KCND3: variants seen among roughly 807,000 people sequenced by gnomAD.
KCND3 encodes A-type voltage-gated potassium channel KCND3.
In KCND3, 9 loss-of-function variants were observed where a neutral mutation model predicts 51.1. The ratio of observed to expected loss-of-function variants is 0.18; its 90% CI spans 0.11 to 0.31. The LOEUF (loss-of-function observed/expected upper bound fraction) is 0.31. KCND3 is among the 10% of genes least tolerant of loss of function. The probability of loss-of-function intolerance (pLI) is 1.00; values close to 1 mark genes in which losing one functional copy is unlikely to be tolerated. For missense variants in KCND3, 526 were observed against 903.8 expected (o/e 0.58, Z 5.36); for synonymous variants, 349 against 368.0 (o/e 0.95, Z 0.59).
chr1:111,795,830 A>G (rs2813868), intron 2 of KCND3, among the ~76,000 whole-genome samples: 147,724 of 152,302 alleles, frequency 0.97, 71,667 homozygotes, highest in East Asian at 1. Flanking sequence ...CTTTTTCTCC[A>G]CAACCTCACC....
chr1:111,809,279 G>A (rs1204032227), intron 2 of KCND3, among the ~76,000 whole-genome samples: 3 of 151,816 alleles, frequency 2.0e-5, no homozygotes, highest in African/African-American at 4.8e-5. Flanking sequence ...TGGCCTTACC[G>A]GTTCTGTTTC....
chr1:111,920,300 G>A (rs753609109), intron 2 of KCND3, among the ~76,000 whole-genome samples: 2 of 151,934 alleles, frequency 1.3e-5, no homozygotes, highest in Admixed American at 6.6e-5. Context: ...AGGAGAGGTC[G>A]TCTTCCTACA....
At chr1:111,914,962 T>C (rs1245065236) in intron 2 of KCND3, among the ~76,000 whole-genome samples, 3 of 152,176 alleles carry the variant, frequency 2.0e-5, no homozygotes, top group Non-Finnish European at 4.4e-5. Flanking sequence ...AATATAGAGG[T>C]AAAATATATG....
intron 2 of KCND3, among the ~76,000 whole-genome samples, chr1:111,858,469 T>C (rs1668190754): frequency 6.6e-6 from 1 of 152,162 alleles, no homozygotes; most frequent in Non-Finnish European, 1.5e-5. Context: ...CATTTCTCCA[T>C]AAAAACTTTT....
At chr1:111,792,606 T>G (rs1179140983) in intron 2 of KCND3, among the ~76,000 whole-genome samples, 1 of 152,200 alleles carries the variant, frequency 6.6e-6, no homozygotes, top group South Asian at 2.1e-4. Context: ...AAATCCTGGC[T>G]CTGCCACTTG....
At chr1:111,830,876 C>A (rs140888685) in intron 2 of KCND3, among the ~76,000 whole-genome samples, 2,233 of 152,100 alleles carry the variant, frequency 0.015, 52 homozygotes, top group African/African-American at 0.05. Context: ...AATTTCTAAC[C>A]CTACATATTC....
intron 2 of KCND3, among the ~76,000 whole-genome samples, chr1:111,802,780 G>C (rs994143894): frequency 6.6e-6 from 1 of 152,170 alleles, no homozygotes; most frequent in East Asian, 1.9e-4. Flanking sequence ...TCCTGCTCAG[G>C]GCCTAGGGAC....
At chr1:111,882,755 G>C (rs1210110942) in intron 2 of KCND3, among the ~76,000 whole-genome samples, 1 of 152,154 alleles carries the variant, frequency 6.6e-6, no homozygotes, top group Non-Finnish European at 1.5e-5. Context: ...CTGGGGGTGG[G>C]AGCCGCAGCT....
chr1:111,778,238 C>G (rs1045350339), intron 6 of KCND3, among the ~76,000 whole-genome samples, 198 bp downstream of exon 6: 6 of 152,238 alleles, frequency 3.9e-5, no homozygotes, highest in African/African-American at 1.4e-4. Flanking sequence ...AAAGAGGGAA[C>G]TAGAAAGACA....
At chr1:111,821,269 G>T (rs1211522341) in intron 2 of KCND3, among the ~76,000 whole-genome samples, 1 of 152,174 alleles carries the variant, frequency 6.6e-6, no homozygotes, top group Admixed American at 6.5e-5. Context: ...GGTGTTAAAG[G>T]CCCAGCGAGG....
intron 2 of KCND3, among the ~76,000 whole-genome samples, chr1:111,874,057 A>C (rs1426617940): frequency 6.6e-6 from 1 of 152,176 alleles, no homozygotes; most frequent in Non-Finnish European, 1.5e-5. Flanking sequence ...CATACTCAGA[A>C]AGCTTCCAAG....
chr1:111,842,700 T>C (rs900961565), intron 2 of KCND3, among the ~76,000 whole-genome samples: 1 of 152,146 alleles, frequency 6.6e-6, no homozygotes, highest in Non-Finnish European at 1.5e-5. Context: ...GTATGGCAGG[T>C]GCCTTTCCAA....
At chr1:111,963,283 T>C (rs1008989678) in intron 2 of KCND3, among the ~76,000 whole-genome samples, 7 of 152,218 alleles carry the variant, frequency 4.6e-5, no homozygotes, top group Admixed American at 3.3e-4. Flanking sequence ...CACAAAGGAA[T>C]TGAAGAAGGA....
chr1:111,830,605 T>C (rs1182353022), intron 2 of KCND3, among the ~76,000 whole-genome samples: 1 of 152,220 alleles, frequency 6.6e-6, no homozygotes, highest in Non-Finnish European at 1.5e-5. Flanking sequence ...CGCCCTGCTG[T>C]GTAAGGCTGG....
chr1:111,917,799 C>T (rs1313994651), intron 2 of KCND3, among the ~76,000 whole-genome samples: 1 of 152,202 alleles, frequency 6.6e-6, no homozygotes, highest in African/African-American at 2.4e-5. Context: ...CCATCCCAGA[C>T]CACTGCACCT....
At chr1:111,958,842 A>G (rs1384882530) in intron 2 of KCND3, among the ~76,000 whole-genome samples, 1 of 152,158 alleles carries the variant, frequency 6.6e-6, no homozygotes, top group African/African-American at 2.4e-5. Flanking sequence ...TGAAGCCTGA[A>G]CTGGGTTCTG....
chr1:111,778,359 G>T, intron 6 of KCND3, 77 bp downstream of exon 6: 1 of 1,351,188 alleles, frequency 7.4e-7, no homozygotes, highest in Non-Finnish European at 1.1e-6. Context: ...ACCAGGCCGG[G>T]GGGTAAAAAG....
At position 111,923,369 on chromosome 1, in the gene KCND3, A is replaced by T. The variant is rs77300143; in HGVS notation, c.1106+58252T>A. 5.6e-3 allele frequency among the ~76,000 whole-genome samples: 858 copies of T among 152,298 alleles called. 11 individuals carry two copies. Among genetic ancestry groups the T allele is most frequent in the African/African-American group, 0.019 (803 of 41,554 alleles). ...TATCTGATTCCTCAATGCAGGGCTG[A>T]GGCTGAAAAGCTGAGATGTGCCCCA... On this transcript the variant is annotated intron_variant, in intron 2 of 7. Transcript: ENST00000302127.
chr1:111,880,362 T>A (rs982913637), intron 2 of KCND3, among the ~76,000 whole-genome samples: 1 of 152,018 alleles, frequency 6.6e-6, no homozygotes, highest in Admixed American at 6.6e-5. Flanking sequence ...CTGGAGGAGG[T>A]ACAACTGAGA....
Sources: allele counts gnomAD v4.1 joint callset (sites outside exome capture counted in the v4.1 genomes callset), GRCh38; gene constraint gnomAD v4.1.1; transcripts MANE v1.5; gene names NCBI Gene and HGNC (gene_info 2026-07-23, HGNC 2026-07-21).